CCDC171: variants seen among roughly 807,000 people sequenced by gnomAD.
CCDC171 encodes coiled-coil domain containing 171.
A neutral mutation model predicts 168.2 loss-of-function variants in CCDC171; 177 were observed. The ratio of observed to expected loss-of-function variants is 1.05; its 90% confidence interval spans 0.93 to 1.19. The LOEUF is 1.19. Ranked by LOEUF, CCDC171 falls within the 50% of genes most tolerant of loss-of-function variation. The pLI is 0.00. For synonymous variants in CCDC171, 687 were observed against 540.8 expected (o/e 1.27, Z -3.75); for missense variants, 1,991 against 1,539.0 (o/e 1.29, Z -4.91).
intron 21 of CCDC171, among the ~76,000 whole-genome samples, chr9:15,838,384 A>G (rs2060538225): frequency 6.6e-6 from 1 of 152,174 alleles, no homozygotes; most frequent in African/African-American, 2.4e-5. Context: ...GACCTCTTGT[A>G]TTTCTTTAAT....
At chr9:15,735,940 CG>C (rs2054465928) in intron 16 of CCDC171, among the ~76,000 whole-genome samples, 1 of 152,098 alleles carries the variant, frequency 6.6e-6, no homozygotes, top group Non-Finnish European at 1.5e-5. Context: ...GTTGAATTGG[CG>C]TGGTGCTTGA....
intron 21 of CCDC171, among the ~76,000 whole-genome samples, chr9:15,803,255 T>C (rs1308495378): frequency 1.3e-5 from 2 of 152,218 alleles, no homozygotes; most frequent in Non-Finnish European, 2.9e-5. Context: ...AGAAGCTCTT[T>C]AGTTTAGTTA....
At chr9:15,567,726 C>T (rs1275760290) in intron 2 of CCDC171, among the ~76,000 whole-genome samples, 1 of 151,876 alleles carries the variant, frequency 6.6e-6, no homozygotes, top group African/African-American at 2.4e-5. Context: ...ATGATCTTAG[C>T]TCACTGTGGC....
At position 15,824,942 on chromosome 9, in the gene CCDC171, T is replaced by C. The variant is rs540723258; in HGVS notation, c.3268-21760T>C. Among the ~76,000 whole-genome samples, 19 of 152,230 alleles carry C rather than the reference T, an allele frequency of 1.2e-4. No homozygotes were observed. The South Asian group carries it at 3.9e-3, about 32-fold the overall frequency. ...AAATGGTTCCTTTCCTCTTGGATTC[T>C]CAGACTTGGATGATGGTGATGCATT... On this transcript the variant is annotated intron_variant, in intron 21 of 25. Transcript: ENST00000380701.
At chr9:15,932,296 G>A (rs1826622691) in intron 25 of CCDC171, among the ~76,000 whole-genome samples, 1 of 151,714 alleles carries the variant, frequency 6.6e-6, no homozygotes, top group African/African-American at 2.4e-5. Context: ...TTATTAAAAT[G>A]TTATAGTGTT....
chr9:15,771,346 A>G (rs1272459735), intron 18 of CCDC171, among the ~76,000 whole-genome samples: 1 of 152,188 alleles, frequency 6.6e-6, no homozygotes, highest in Non-Finnish European at 1.5e-5. Context: ...CACCTTTGGC[A>G]TGCAAAATTT....
intron 6 of CCDC171, among the ~76,000 whole-genome samples, chr9:15,615,237 C>T (rs1359467374): frequency 6.6e-6 from 1 of 152,104 alleles, no homozygotes; most frequent in Non-Finnish European, 1.5e-5. Context: ...ATAATTCTAA[C>T]TCAATGTAGT....
rs55976539 is a variant in CCDC171, at chr9:15,642,343, GTATATATATATATATATATA to G, written c.823-14762_823-14743del. Among the ~76,000 whole-genome samples the G allele has an allele frequency of 9.2e-4, 99 of 107,560 alleles. 1 individual carries two copies. The highest frequency in any genetic ancestry group is 3.1e-3 in the African/African-American group (61 of 19,868). 70.6% of individuals were successfully genotyped at this position (107,560 alleles called of 152,430 possible). ...TATATATATATACACGTGTGTGTGT[GTATATATATATATATATATA>G]TATATATATATATATATATATGCAT... On this transcript the variant is annotated intron_variant, in intron 7 of 25. Transcript: ENST00000380701.
Position 15,727,960 on chromosome 9 carries a change from C to T in CCDC171, c.1784C>T (p.Ser595Phe), listed in dbSNP as rs1460085170. Residue 595 changes from serine to phenylalanine, a missense_variant, in exon 15 of 26, where the codon TCT becomes TTT. Ser to Phe is a radical substitution (Grantham distance 155). Transcript: ENST00000380701. ...CCAGAAGGCATGCTGGATAAATTCT[C>T]TTGGTCTGAGCTTTGTGCAGTCTTA... ...KQPEGMLDKF[S>F]WSELCAVLQE... 1 of 1,613,224 alleles carries T rather than the reference C, an allele frequency of 6.2e-7. No individual in the cohort carries two copies. Among genetic ancestry groups the T allele is most frequent in the Non-Finnish European group, 8.5e-7 (1 of 1,179,650 alleles).
rs537231394 is a variant in CCDC171 at position 16,058,791 on chromosome 9, T to A, written n.90-1855T>A. Among the ~76,000 whole-genome samples, 26 of 152,342 alleles carry A rather than the reference T, an allele frequency of 1.7e-4. No individual in the cohort carries two copies. In the South Asian group the frequency reaches 5.2e-3, roughly 30 times the overall value. ...TAATTGTCTCAACTGAGCTTCTTAT[T>A]TCCCTCAAGTAATGAGAAACGTAAA... is the stretch of plus-strand genomic sequence containing the variant. On this transcript the variant is annotated intron_variant and non_coding_transcript_variant, in intron 1 of 1. Coordinates refer to the CCDC171 transcript ENST00000478913.
At chr9:15,969,644 A>G (rs886562143) in intron 25 of CCDC171, among the ~76,000 whole-genome samples, 1 of 152,188 alleles carries the variant, frequency 6.6e-6, no homozygotes, top group Non-Finnish European at 1.5e-5. Flanking sequence ...CTTTTCTGAC[A>G]ATAAAATATT....
intron 4 of CCDC171, among the ~76,000 whole-genome samples, chr9:15,589,630 A>C (rs1311000682): frequency 6.6e-6 from 1 of 152,232 alleles, no homozygotes; most frequent in Non-Finnish European, 1.5e-5. Flanking sequence ...GTATACTGTT[A>C]ATTGAAATAC....
chr9:15,912,467 T>A (rs1453244296), intron 24 of CCDC171, among the ~76,000 whole-genome samples: 1 of 152,200 alleles, frequency 6.6e-6, no homozygotes, highest in Non-Finnish European at 1.5e-5. Context: ...ATGGGGTTTT[T>A]TTAATATACA....
chr9:15,957,065 A>G (rs1323428474), intron 25 of CCDC171, among the ~76,000 whole-genome samples: 3 of 149,054 alleles, frequency 2.0e-5, no homozygotes, highest in African/African-American at 7.5e-5. Flanking sequence ...ATGTATCACT[A>G]TAATATTTCC....
At chr9:15,850,961 C>T (rs917573610) in intron 23 of CCDC171, among the ~76,000 whole-genome samples, 4 of 151,910 alleles carry the variant, frequency 2.6e-5, no homozygotes, top group Non-Finnish European at 5.9e-5. Flanking sequence ...GTTTTAAACA[C>T]GTGTGTTTTC....
At chr9:15,741,387 ATG>A (rs2054872014) in intron 16 of CCDC171, among the ~76,000 whole-genome samples, 1 of 152,188 alleles carries the variant, frequency 6.6e-6, no homozygotes, top group South Asian at 2.1e-4. Flanking sequence ...AGTCATACAA[ATG>A]TGGCCTTTTG....
chr9:15,609,290 G>A (rs1023376979), intron 6 of CCDC171, among the ~76,000 whole-genome samples: 1 of 151,754 alleles, frequency 6.6e-6, no homozygotes, highest in Non-Finnish European at 1.5e-5. Context: ...TTTATTTTTA[G>A]TAGAGACGGG....
chr9:16,012,247 CT>C (rs1350722885), intron 3 of CCDC171, among the ~76,000 whole-genome samples: 1 of 152,068 alleles, frequency 6.6e-6, no homozygotes, highest in Non-Finnish European at 1.5e-5. Context: ...TGTGGCCTGT[CT>C]TTTTTTGCTC....
At chr9:15,729,579 A>G (rs773258476) in intron 15 of CCDC171, 31 bp from the exon 16 acceptor site, 142 of 1,461,946 alleles carry the variant, frequency 9.7e-5, no homozygotes, top group Non-Finnish European at 1.2e-4. Flanking sequence ...TTGTGAGCAT[A>G]TTTCCTTCTC....
Sources: allele counts gnomAD v4.1 joint callset (sites outside exome capture counted in the v4.1 genomes callset), GRCh38; gene constraint gnomAD v4.1.1; transcripts MANE v1.5; gene names NCBI Gene and HGNC (gene_info 2026-07-23, HGNC 2026-07-21).